The following ESPN variants were observed in gnomAD, a reference collection of about 807,000 sequenced individuals.
The protein encoded by ESPN is autosomal recessive deafness type 36 protein.
ESPN carries 68 observed loss-of-function variants against 77.7 expected under a neutral mutation model. The ratio of observed to expected loss-of-function variants is 0.87; its 90% CI spans 0.72 to 1.07. ESPN has a LOEUF of 1.07. Ranked by LOEUF, ESPN falls within the 50% of genes least tolerant of loss-of-function variation. The pLI is 0.00. For synonymous variants in ESPN, 449 were observed against 567.1 expected, an observed-to-expected ratio of 0.79 and a Z score of 2.96; for missense variants, 1,060 against 1,239.0, an observed-to-expected ratio of 0.86 and a Z score of 2.17.
At chr1:6,461,368 T>G, downstream of ESPN, 1 of 1,465,934 alleles carries the variant, frequency 6.8e-7, no homozygotes, top group Non-Finnish European at 9.1e-7. The surrounding 1 kb of genome is among the most constrained non-coding windows in gnomAD (Gnocchi z 6.3). Context: ...TCTACACGCA[T>G]AAGTAACCGT....
intron 7 of ESPN, 122 bp downstream of exon 7, chr1:6,446,057 G>A (rs1322526332): frequency 5.0e-6 from 5 of 1,003,068 alleles, no homozygotes; most frequent in Non-Finnish European, 6.0e-6. Context: ...TCCATGGCAT[G>A]TTCAAGAGTC....
chr1:6,458,576 A>C (rs1439068109), intron 12 of ESPN, among the ~76,000 whole-genome samples: 1 of 150,488 alleles, frequency 6.6e-6, no homozygotes, highest in Non-Finnish European at 1.5e-5. Context: ...TCAGCCTCCC[A>C]AAGTGCTGGG....
At chr1:6,455,362 TGCTGCCCCGCGTGGCG>T in intron 10 of ESPN, 1 of 384,988 alleles carries the variant, frequency 2.6e-6, no homozygotes, top group Non-Finnish European at 4.6e-6. Flanking sequence ...CTACGCGGAC[TGCTGCCCCGCGTGGCG>T]GCTGCCGGTG....
chr1:6,451,485 C>T lies in ESPN; in HGVS notation c.1916-118C>T. The T allele has an allele frequency of 1.4e-6, 2 of 1,410,456 alleles. No individual in the cohort carries two copies. Among genetic ancestry groups the T allele is most frequent in the Non-Finnish European group, 2.0e-6 (2 of 1,021,528 alleles). The allele number at this position is 1,410,456 out of a possible 1,614,324, so 87.4% of individuals were successfully genotyped here. A position where few individuals can be genotyped will look rare whatever the true frequency, so the allele number is the denominator to read the frequency against. ...GGGATCTGGAGAGCTGCCCGCTGGCCCGGAGGATGGGCACCCATCCAATCT... is the reference window on the plus strand; with the variant it reads ...GGGATCTGGAGAGCTGCCCGCTGGCTCGGAGGATGGGCACCCATCCAATCT... On this transcript the variant is annotated intron_variant, in intron 8 of 12. Transcript: ENST00000645284. This position sits in a 1 kb window ranked among gnomAD's most constrained non-coding sequence, Gnocchi z 4.3.
At position 6,428,137 on chromosome 1, in the gene ESPN, C is replaced by CT. The variant is rs577823527; in HGVS notation, c.295-87dup. The CT allele has an allele frequency of 1.1e-3, 1,465 of 1,382,828 alleles. 14 individuals are homozygous for CT. The African/African-American group carries it at 0.019, about 18-fold the overall frequency. 85.7% of individuals were successfully genotyped at this position (1,382,828 alleles called of 1,614,324 possible). A position where few individuals can be genotyped will look rare whatever the true frequency, so the allele number is the denominator to read the frequency against. ...GGGAAGACAGAGAGCACAGAGCTAC[C>CT]TTCCAGGCCTGTGGGAGTCTGGGAG... On this transcript the variant is annotated intron_variant, in intron 1 of 12. Coordinates refer to ENST00000645284, the MANE Select transcript of ESPN (RefSeq NM_031475.3). The surrounding 1 kb of genome is among the most constrained non-coding windows in gnomAD (Gnocchi z 5.4).
chr1:6,461,301 G>A (rs1644164648), downstream of ESPN: 4 of 1,177,714 alleles, frequency 3.4e-6, no homozygotes, highest in Non-Finnish European at 4.9e-6. The surrounding 1 kb of genome is among the most constrained non-coding windows in gnomAD (Gnocchi z 6.3). Flanking sequence ...CAGGGGTGGG[G>A]CCGGCTGGTG....
chr1:6,456,014 GCCGCCGCCC>G (rs1358900080), intron 10 of ESPN: 1 of 397,322 alleles, frequency 2.5e-6, no homozygotes, highest in Admixed American at 4.4e-5. Context: ...CGCAGCCGCC[GCCGCCGCCC>G]CCGCCCGCCG....
chr1:6,442,248 G>A (rs568049735), intron 5 of ESPN, among the ~76,000 whole-genome samples: 2 of 152,252 alleles, frequency 1.3e-5, no homozygotes, highest in Admixed American at 6.5e-5. Context: ...CCTTAAAGGT[G>A]TAATCTCCGT....
chr1:6,435,389 G>A (rs920223091), intron 2 of ESPN, among the ~76,000 whole-genome samples: 10 of 152,218 alleles, frequency 6.6e-5, no homozygotes, highest in Non-Finnish European at 8.8e-5. Flanking sequence ...ACCAGTCTCC[G>A]CCGGAGATTC....
chr1:6,432,904 C>T (rs1458182401), intron 2 of ESPN, among the ~76,000 whole-genome samples: 1 of 152,076 alleles, frequency 6.6e-6, no homozygotes, highest in Non-Finnish European at 1.5e-5. Flanking sequence ...GGGTGGAACA[C>T]GAGGTCAGGA....
At chr1:6,430,165 C>CA (rs1643189571) in intron 2 of ESPN, among the ~76,000 whole-genome samples, 1 of 152,156 alleles carries the variant, frequency 6.6e-6, no homozygotes, top group Non-Finnish European at 1.5e-5. Context: ...CACAGGGCCC[C>CA]ATCAGGGGAC....
intron 2 of ESPN, among the ~76,000 whole-genome samples, chr1:6,439,378 C>T (rs1348560394): frequency 6.6e-6 from 1 of 152,230 alleles, no homozygotes; most frequent in Non-Finnish European, 1.5e-5. Flanking sequence ...TGTGAACTGC[C>T]TTTTGTCTGG....
chr1:6,454,996 C>G (rs1644024587), intron 10 of ESPN: 2 of 376,496 alleles, frequency 5.3e-6, no homozygotes, highest in African/African-American at 2.1e-5. Flanking sequence ...GCACGGGGCG[C>G]GGCGCCCGCG....
chr1:6,451,627 C>T lies in ESPN; in HGVS notation c.1940C>T (p.Ser647Phe). 1 of 1,613,136 alleles carries T rather than the reference C, an allele frequency of 6.2e-7. No individual in the cohort carries two copies. ...GGCACCAAGTCTTTCAACATGATGT[C>T]CCCGACGGGCGACAACTCGGAGCTA... is the stretch of plus-strand genomic sequence containing the variant. ...TGSTKSFNMM[S>F]PTGDNSELLA... The change falls in exon 9 of 13, where the codon TCC (serine) becomes TTC (phenylalanine). Residue 647 changes from serine to phenylalanine, a missense_variant. Transcript: ENST00000645284. This position sits in a 1 kb window ranked among gnomAD's most constrained non-coding sequence, Gnocchi z 4.3.
At chr1:6,432,474 G>A (rs1358427145) in intron 2 of ESPN, among the ~76,000 whole-genome samples, 2 of 152,220 alleles carry the variant, frequency 1.3e-5, no homozygotes, top group Non-Finnish European at 2.9e-5. Context: ...GAAGGGCCTG[G>A]TGGAGTCCGG....
rs917864112 is a variant in ESPN, at chr1:6,427,272, G to A, written c.295-954G>A. On this transcript the variant is annotated intron_variant, in intron 1 of 12. Coordinates refer to ENST00000645284, the MANE Select transcript of ESPN (RefSeq NM_031475.3). The surrounding 1 kb of genome is among the most constrained non-coding windows in gnomAD (Gnocchi z 4.6). ...TCATCCTATGTGCTTGGTGCTGGGAGGTGGTTCTGTTCCCGAACCAGTACC... is the reference window on the plus strand; with the variant it reads ...TCATCCTATGTGCTTGGTGCTGGGAAGTGGTTCTGTTCCCGAACCAGTACC... Among the ~76,000 whole-genome samples, 2 of 152,128 alleles carry A rather than the reference G, an allele frequency of 1.3e-5. No homozygotes were observed. The highest frequency in any genetic ancestry group is 6.5e-5 in the Admixed American group (1 of 15,276).
At chr1:6,439,880 A>G (rs1643555836) in intron 2 of ESPN, among the ~76,000 whole-genome samples, 1 of 152,164 alleles carries the variant, frequency 6.6e-6, no homozygotes, top group Non-Finnish European at 1.5e-5. Context: ...GTGGTGGCAC[A>G]TGCCTGTAAT....
At chr1:6,461,286 G>T (rs944710666), downstream of ESPN, 6 of 1,004,016 alleles carry the variant, frequency 6.0e-6, no homozygotes, top group Admixed American at 6.0e-5. The surrounding 1 kb of genome is among the most constrained non-coding windows in gnomAD (Gnocchi z 6.3). Flanking sequence ...AGCGATAGGG[G>T]CGAGCAGGGG....
Position 6,452,036 on chromosome 1 carries a change from C to T in ESPN, c.2265C>T (p.Arg755=). 6.3e-7 allele frequency: 1 copy of T among 1,586,006 alleles called. No homozygotes were observed. ...GCCGGCCCATCCCCGAGTGGAAGCGCCAGGTGATGGTGCGCAAGATGCAGC... is the reference window on the plus strand; with the variant it reads ...GCCGGCCCATCCCCGAGTGGAAGCGTCAGGTGATGGTGCGCAAGATGCAGC... The part of the protein sequence containing the change: ...EQGRPIPEWK[R]QVMVRKMQLK... The change falls in exon 10 of 13, where the codon CGC becomes CGT. Residue 755 remains arginine, a synonymous_variant. Transcript: ENST00000645284.
Sources: gnomAD v4.1 joint callset for allele counts (sites outside exome capture counted in the v4.1 genomes callset) on GRCh38, gnomAD v4.1.1 for gene constraint, Gnocchi (gnomAD v3.1) non-coding constraint, MANE v1.5 for transcripts, NCBI Gene and HGNC (gene_info 2026-07-23, HGNC 2026-07-21) for gene names.